ABCB1: variants seen among roughly 807,000 people sequenced by gnomAD.
ABCB1 encodes ATP binding cassette subfamily B member 1.
In ABCB1, 69 loss-of-function variants were observed where a neutral mutation model predicts 142.0. That is an observed-to-expected ratio of 0.49 (90% CI 0.40 to 0.59). The LOEUF (loss-of-function observed/expected upper bound fraction) is 0.59. ABCB1 is among the 20% of genes least tolerant of loss of function. The probability of loss-of-function intolerance (pLI) is 0.00; values close to 1 mark genes in which losing one functional copy is unlikely to be tolerated. For synonymous variants in ABCB1, 532 were observed against 539.2 expected, an observed-to-expected ratio of 0.99 and a Z score of 0.18; for missense variants, 1,326 against 1,554.7, an observed-to-expected ratio of 0.85 and a Z score of 2.47.
In ABCB1 at chr7:87,636,942, A is replaced by ACATGT. The variant is rs1488670959; in HGVS notation, c.-330-35869_-330-35865dup. Reference sequence around the variant, plus strand: ...ACAAGCATGGTGGAAGGGGAAGTAAACATGTCCTTCTTCACAAAGTAGCAG... The same window carrying ACATGT: ...ACAAGCATGGTGGAAGGGGAAGTAAACATGTCATGTCCTTCTTCACAAAGTAGCAG... On this transcript the variant is annotated intron_variant, in intron 1 of 28. Coordinates refer to the ABCB1 transcript ENST00000265724. Among the ~76,000 whole-genome samples, 3 of 152,174 alleles carry ACATGT rather than the reference A, an allele frequency of 2.0e-5. No homozygotes were observed. The East Asian group carries it at 5.8e-4, about 29-fold the overall frequency.
intron 4 of ABCB1, among the ~76,000 whole-genome samples, chr7:87,582,613 T>C (rs1458247954): frequency 8.5e-5 from 13 of 152,208 alleles, no homozygotes; most frequent in Non-Finnish European, 1.5e-4. Context: ...GGCCAGATAG[T>C]AAATATCTTA....
intron 4 of ABCB1, among the ~76,000 whole-genome samples, chr7:87,577,558 T>A (rs1818321086): frequency 6.6e-6 from 1 of 152,236 alleles, no homozygotes; most frequent in South Asian, 2.1e-4. Context: ...GTACAAGGGT[T>A]TTCTTTTCTC....
At chr7:87,679,216 C>G (rs1288646936) in intron 1 of ABCB1, among the ~76,000 whole-genome samples, 2 of 148,460 alleles carry the variant, frequency 1.3e-5, no homozygotes, top group Non-Finnish European at 3.0e-5. Context: ...CCTCAGCCTC[C>G]CAAGAAGCTG....
At chr7:87,665,355 T>A (rs1354190491) in intron 1 of ABCB1, among the ~76,000 whole-genome samples, 1 of 152,046 alleles carries the variant, frequency 6.6e-6, no homozygotes, top group African/African-American at 2.4e-5. Context: ...AAAAGAATAA[T>A]ATACTTAGGA....
chr7:87,550,503 C>T lies in ABCB1; in HGVS notation c.1189G>A (p.Val397Ile), dbSNP rs761558156. The T allele has an allele frequency of 1.2e-6, 2 of 1,613,406 alleles. No homozygotes were observed. The highest frequency in any genetic ancestry group is 2.2e-5 in the East Asian group (1 of 44,866). The change falls in exon 11 of 28, where the codon GTT (valine) becomes ATT (isoleucine). Residue 397 changes from valine (V) to isoleucine (I), a missense_variant. Val to Ile is a conservative substitution (Grantham distance 29). Coordinates refer to ENST00000622132, the MANE Select transcript of ABCB1 (RefSeq NM_001348946.2). ...NIKGNLEFRN[V>I]HFSYPSRKEV... Reference sequence around the variant, plus strand: ...TTTCGAGATGGGTAACTGAAGTGAACATTTCTGAATTCCAAATTTCCCTTA... The same window carrying T: ...TTTCGAGATGGGTAACTGAAGTGAATATTTCTGAATTCCAAATTTCCCTTA...
At chr7:87,625,603 T>C (rs1208731873) in intron 1 of ABCB1, among the ~76,000 whole-genome samples, 1 of 152,242 alleles carries the variant, frequency 6.6e-6, no homozygotes, top group Non-Finnish European at 1.5e-5. Flanking sequence ...GAGTAGTATT[T>C]GTCATTGCCA....
intron 1 of ABCB1, chr7:87,709,524 G>A (rs951295247): frequency 2.0e-6 from 2 of 985,124 alleles, no homozygotes; most frequent in Non-Finnish European, 2.4e-6. Flanking sequence ...AAATTGACTC[G>A]CATGCTAACC....
intron 1 of ABCB1, among the ~76,000 whole-genome samples, chr7:87,631,459 C>T (rs1205615537): frequency 6.6e-6 from 1 of 152,160 alleles, no homozygotes; most frequent in Non-Finnish European, 1.5e-5. Flanking sequence ...GGCGCGATCT[C>T]GGCTCACTGC....
At chr7:87,547,960 A>G (rs1816859365) in intron 14 of ABCB1, among the ~76,000 whole-genome samples, 1 of 150,776 alleles carries the variant, frequency 6.6e-6, no homozygotes, top group African/African-American at 2.4e-5. Context: ...CAGAGGTTGT[A>G]GTGGCCATGA....
At chr7:87,517,185 C>T (rs1815290781) in intron 23 of ABCB1, among the ~76,000 whole-genome samples, 1 of 152,136 alleles carries the variant, frequency 6.6e-6, no homozygotes. Flanking sequence ...CTGTATACCT[C>T]TCTCTGTATC....
At chr7:87,642,695 C>G (rs1309123569) in intron 1 of ABCB1, among the ~76,000 whole-genome samples, 1 of 152,032 alleles carries the variant, frequency 6.6e-6, no homozygotes, top group Non-Finnish European at 1.5e-5. Flanking sequence ...AACCATCATT[C>G]TCAGCAAACT....
intron 1 of ABCB1, among the ~76,000 whole-genome samples, chr7:87,648,969 A>G (rs1054790734): frequency 6.6e-6 from 1 of 151,830 alleles, no homozygotes; most frequent in Non-Finnish European, 1.5e-5. Context: ...TGTCTCCTGT[A>G]TTTTCTGTCC....
intron 1 of ABCB1, among the ~76,000 whole-genome samples, chr7:87,690,003 A>C (rs1260617595): frequency 6.6e-6 from 1 of 151,900 alleles, no homozygotes; most frequent in Non-Finnish European, 1.5e-5. Flanking sequence ...AAAATTTTTA[A>C]ATTTTTTATA....
chr7:87,643,967 G>A (rs1014943765), intron 1 of ABCB1, among the ~76,000 whole-genome samples: 3 of 150,706 alleles, frequency 2.0e-5, no homozygotes, highest in African/African-American at 4.9e-5. Flanking sequence ...CAAGTGATTC[G>A]CCTGCCTCAG....
At chr7:87,592,928 C>CTT (rs35396007) in intron 3 of ABCB1, among the ~76,000 whole-genome samples, 6,217 of 138,032 alleles carry the variant, frequency 0.045, 216 homozygotes, top group East Asian at 0.084. Flanking sequence ...AATATATAAT[C>CTT]TTTTTTTTTT....
At chr7:87,602,411 G>A (rs1819497820), upstream of ABCB1, among the ~76,000 whole-genome samples, 1 of 149,996 alleles carries the variant, frequency 6.7e-6, no homozygotes, top group African/African-American at 2.5e-5. Flanking sequence ...CTGTTTAAAG[G>A]CTTAACAACA....
At chr7:87,671,439 C>A (rs1825814949) in intron 1 of ABCB1, among the ~76,000 whole-genome samples, 1 of 152,108 alleles carries the variant, frequency 6.6e-6, no homozygotes, top group African/African-American at 2.4e-5. Flanking sequence ...GTGAGGAGAT[C>A]TGAGAATGGG....
At chr7:87,537,451 T>A (rs920898751) in intron 19 of ABCB1, among the ~76,000 whole-genome samples, 2 of 152,176 alleles carry the variant, frequency 1.3e-5, no homozygotes, top group African/African-American at 4.8e-5. Context: ...GGGAGATCAG[T>A]TAGGAAGCTT....
intron 1 of ABCB1, among the ~76,000 whole-genome samples, chr7:87,703,680 A>T (rs931720888): frequency 6.6e-6 from 1 of 151,792 alleles, no homozygotes; most frequent in Non-Finnish European, 1.5e-5. Context: ...TTTTAATTAA[A>T]TTTTTCCCTC....
Sources: allele counts gnomAD v4.1 joint callset (sites outside exome capture counted in the v4.1 genomes callset), GRCh38; gene constraint gnomAD v4.1.1; transcripts MANE v1.5; gene names NCBI Gene and HGNC (gene_info 2026-07-23, HGNC 2026-07-21).